Variants in AK9 observed in about 807,000 individuals in gnomAD.
AK9 encodes the protein adenylate kinase 9.
A neutral mutation model predicts 239.6 loss-of-function variants in AK9; 191 were observed. The ratio of observed to expected loss-of-function variants is 0.80; its 90% CI spans 0.71 to 0.90. The LOEUF (loss-of-function observed/expected upper bound fraction) is 0.90, where lower values mean the gene tolerates loss of function less well. AK9 is among the 40% of genes least tolerant of loss of function. AK9 has a pLI of 0.00. For missense variants in AK9, 1,995 were observed against 2,214.7 expected (o/e 0.90, Z 1.99); for synonymous variants, 689 against 721.0 (o/e 0.96, Z 0.71).
chr6:109,537,542 T>C (rs1782197330), intron 27 of AK9, among the ~76,000 whole-genome samples: 1 of 138,144 alleles, frequency 7.2e-6, no homozygotes, highest in Non-Finnish European at 1.7e-5. Context: ...TTGTTGATCT[T>C]TTCAAAAAAA....
chr6:109,682,920 C>T (rs1243908444), intron 1 of AK9, among the ~76,000 whole-genome samples: 1 of 152,144 alleles, frequency 6.6e-6, no homozygotes, highest in Non-Finnish European at 1.5e-5. Flanking sequence ...CATCCTGATA[C>T]CAAAACCTGG....
intron 31 of AK9, among the ~76,000 whole-genome samples, chr6:109,515,478 C>A (rs1396568505): frequency 6.6e-6 from 1 of 152,100 alleles, no homozygotes; most frequent in Non-Finnish European, 1.5e-5. Flanking sequence ...CTGAACTTGA[C>A]AGAGTAGGTG....
At chr6:109,544,419 T>C (rs1406320302) in intron 26 of AK9, among the ~76,000 whole-genome samples, 3 of 152,006 alleles carry the variant, frequency 2.0e-5, no homozygotes, top group Admixed American at 6.6e-5. Context: ...TGGTGAGAGG[T>C]GATTGGATCA....
chr6:109,604,667 T>C (rs1207929152), intron 17 of AK9, among the ~76,000 whole-genome samples: 1 of 152,244 alleles, frequency 6.6e-6, no homozygotes, highest in African/African-American at 2.4e-5. Flanking sequence ...CATACTTCTT[T>C]GTTGAACTGT....
chr6:109,641,360 T>C (rs1466693385), intron 10 of AK9, among the ~76,000 whole-genome samples, 158 bp downstream of exon 10: 1 of 144,688 alleles, frequency 6.9e-6, no homozygotes, highest in Non-Finnish European at 1.5e-5. Context: ...TTTTTTTTTT[T>C]TTTTTTTTGT....
intron 12 of AK9, among the ~76,000 whole-genome samples, chr6:109,621,975 T>C (rs1206703596): frequency 3.7e-5 from 5 of 135,328 alleles, no homozygotes; most frequent in Non-Finnish European, 7.9e-5. Context: ...CAAAAAAAAC[T>C]GTCAAAGATA....
At position 109,497,923 on chromosome 6, in the gene AK9, G is replaced by A. The variant is rs745306229; in HGVS notation, c.5089C>T (p.Pro1697Ser). ...NPELYVPPLA[P>S]HPLPSADMIP... ...ATGTCAGCAGATGGGAGTGGATGAGGTGCTAAGGGAGGCACGTACAATTCT... is the reference window on the plus strand; with the variant it reads ...ATGTCAGCAGATGGGAGTGGATGAGATGCTAAGGGAGGCACGTACAATTCT... Residue 1697 changes from proline to serine, a missense_variant, in exon 37 of 41, where the codon CCT becomes TCT. This residue lies in a region of AK9 where 391 missense variants were observed against 456.0 expected (regional missense o/e 0.86). Transcript: ENST00000424296. 2.5e-6 allele frequency: 4 copies of A among 1,614,096 alleles called. No homozygotes were observed. Among genetic ancestry groups the A allele is most frequent in the Non-Finnish European group, 3.4e-6 (4 of 1,179,988 alleles).
intron 27 of AK9, among the ~76,000 whole-genome samples, chr6:109,536,118 GAT>G (rs1405460564): frequency 3.3e-5 from 5 of 152,154 alleles, no homozygotes; most frequent in Middle Eastern, 3.4e-3. Context: ...TGAACTTTAA[GAT>G]AGTTTTTTTC....
In AK9 at chr6:109,641,525, A is replaced by G; in HGVS notation, c.926T>C (p.Met309Thr). ...QGAEEEINDTMENDELFRTLA... is the reference protein window; with the variant it reads ...QGAEEEINDTTENDELFRTLA... The stretch of plus-strand genomic sequence containing the variant: ...CAGTTCCATATAACTTACATTTTCC[A>G]TTGTGTCATTAATTTCTTCCTCTGC... The change falls in exon 10 of 41, where the codon ATG (methionine) becomes ACG (threonine). Residue 309 changes from methionine to threonine, a missense_variant. Physicochemically the swap from Met to Thr is moderately conservative, Grantham distance 81. Transcript: ENST00000424296. The G allele has an allele frequency of 6.2e-7, 1 of 1,610,936 alleles. No individual in the cohort carries two copies.
chr6:109,533,952 A>T (rs1350431349), intron 27 of AK9, among the ~76,000 whole-genome samples: 4 of 152,132 alleles, frequency 2.6e-5, no homozygotes, highest in Admixed American at 2.0e-4. Context: ...TTTAAAGAGT[A>T]CACCTGGCCA....
chr6:109,530,898 C>G (rs1464591268), intron 28 of AK9, among the ~76,000 whole-genome samples: 2 of 152,068 alleles, frequency 1.3e-5, no homozygotes, highest in African/African-American at 4.8e-5. Flanking sequence ...CAAAAATTAG[C>G]TGGGCATGGT....
rs201240601 is a variant in AK9, at chr6:109,656,776, T to C, written c.739A>G (p.Thr247Ala). 9 of 1,596,724 alleles carry C rather than the reference T, an allele frequency of 5.6e-6. No individual in the cohort carries two copies. In the East Asian group the frequency reaches 2.0e-4, roughly 36 times the overall value. The change falls in exon 8 of 41, where the codon ACA becomes GCA. Residue 247 changes from threonine to alanine, a missense_variant. Thr to Ala is a moderately conservative substitution (Grantham distance 58, BLOSUM62 0). Transcript: ENST00000424296. ...VENIVKLYKE[T>A]ILQTLEEVMA... ...CTTACTTCTAAAGTTTGGAGAATTG[T>C]TTCCTTATAAAGCTTAACAATGTTT...
chr6:109,611,611 C>G (rs940847561), intron 16 of AK9, among the ~76,000 whole-genome samples: 6 of 152,192 alleles, frequency 3.9e-5, no homozygotes, highest in Non-Finnish European at 8.8e-5. Flanking sequence ...GCTCCTCACA[C>G]TTGGCTGACT....
At chr6:109,525,298 C>T (rs558582094) in intron 29 of AK9, among the ~76,000 whole-genome samples, 1 of 152,180 alleles carries the variant, frequency 6.6e-6, no homozygotes, top group East Asian at 1.9e-4. Context: ...GCAACAGAAA[C>T]AAAAATTGAC....
At chr6:109,587,715 T>C (rs1789694790) in intron 17 of AK9, among the ~76,000 whole-genome samples, 1 of 152,206 alleles carries the variant, frequency 6.6e-6, no homozygotes, top group South Asian at 2.1e-4. Context: ...TTAGGTTGAT[T>C]CCGCGGCATT....
chr6:109,646,771 C>T (rs1798120242), intron 8 of AK9, among the ~76,000 whole-genome samples: 1 of 152,012 alleles, frequency 6.6e-6, no homozygotes, highest in African/African-American at 2.4e-5. Context: ...AAGAGCAACC[C>T]CAAGACACAT....
chr6:109,526,342 A>G (rs1780519994), intron 29 of AK9, among the ~76,000 whole-genome samples: 1 of 152,182 alleles, frequency 6.6e-6, no homozygotes, highest in Admixed American at 6.5e-5. Flanking sequence ...CAAAAGAAAA[A>G]AAGGCAATAG....
chr6:109,669,604 T>C (rs1283337872), intron 5 of AK9, among the ~76,000 whole-genome samples: 4 of 152,328 alleles, frequency 2.6e-5, no homozygotes, highest in Admixed American at 2.6e-4. Context: ...TGAAGGGCTG[T>C]TGAATTTTGT....
intron 27 of AK9, among the ~76,000 whole-genome samples, chr6:109,536,675 T>G (rs1258838915): frequency 6.6e-6 from 1 of 152,238 alleles, no homozygotes; most frequent in Non-Finnish European, 1.5e-5. Context: ...CATCCCTGTC[T>G]TGTGCCAGTT....
Sources: gnomAD v4.1 joint callset for allele counts (sites outside exome capture counted in the v4.1 genomes callset) on GRCh38, gnomAD v4.1.1 for gene constraint, gnomAD v4.1.1 regional missense constraint, MANE v1.5 for transcripts, NCBI Gene and HGNC (gene_info 2026-07-23, HGNC 2026-07-21) for gene names.